BCAR1: variants seen among roughly 807,000 people sequenced by gnomAD.
BCAR1 encodes breast cancer anti-estrogen resistance protein 1.
In BCAR1, 30 loss-of-function variants were observed where a neutral mutation model predicts 67.6. That is an observed-to-expected ratio of 0.44 (90% CI 0.33 to 0.60). The LOEUF (loss-of-function observed/expected upper bound fraction) is 0.60, where lower values mean the gene tolerates loss of function less well. BCAR1 is among the 20% of genes least tolerant of loss of function. BCAR1 has a pLI of 0.02. For synonymous variants in BCAR1, 626 were observed against 556.7 expected (o/e 1.12, Z -1.75); for missense variants, 1,313 against 1,222.3 (o/e 1.07, Z -1.11).
chr16:75,229,259 A>G lies in BCAR1; in HGVS notation c.*252T>C. On this transcript the variant is annotated 3_prime_UTR_variant, in exon 7 of 7. Coordinates refer to ENST00000162330, the MANE Select transcript of BCAR1 (RefSeq NM_014567.5). ...CCTCACACTCCAGCCCCGTCTGGTG[A>G]CCCAACCCGGGCCCGTGGTGCATGC... 1 of 516,848 alleles carries G rather than the reference A, an allele frequency of 1.9e-6. No homozygotes were observed. The highest frequency in any genetic ancestry group is 3.3e-6 in the Non-Finnish European group (1 of 305,832). 32.0% of individuals were successfully genotyped at this position (516,848 alleles called of 1,614,324 possible). A position where few individuals can be genotyped will look rare whatever the true frequency, so the allele number is the denominator to read the frequency against.
chr16:75,235,500 G>A lies in BCAR1; in HGVS notation c.1399C>T (p.Gln467Ter). 1 of 1,598,828 alleles carries A rather than the reference G, an allele frequency of 6.3e-7. No homozygotes were observed. Among genetic ancestry groups the A allele is most frequent in the Non-Finnish European group, 8.5e-7 (1 of 1,173,830 alleles). The change falls in exon 5 of 7, where the codon CAG becomes TAG. Residue 467 changes from glutamine (Q) to a stop codon, truncating the protein, a stop_gained. Transcript: ENST00000162330. LOFTEE classifies it high-confidence loss of function. ...GCAACGGTGGCGCTCACACCCTGCT[G>A]CAGCCGTGCCAGGGCCTCCACAGCA... Reference protein sequence around the residue: ...EVAVEALARLQQGVSATVAHL... With the variant: ...EVAVEALARL
intron 1 of BCAR1, among the ~76,000 whole-genome samples, chr16:75,259,307 C>A (rs1324207480): frequency 1.3e-5 from 2 of 152,172 alleles, no homozygotes; most frequent in African/African-American, 4.8e-5. Flanking sequence ...GGTATTTTGC[C>A]AACAATAGTG....
intron 1 of BCAR1, among the ~76,000 whole-genome samples, chr16:75,256,632 C>G (rs2151471541): frequency 6.6e-6 from 1 of 152,280 alleles, no homozygotes; most frequent in East Asian, 1.9e-4. Context: ...CACAACTTTC[C>G]AAATTATCTG....
At chr16:75,250,884 G>A in intron 1 of BCAR1, 2 of 985,538 alleles carry the variant, frequency 2.0e-6, no homozygotes. Context: ...AAAGCCCGCG[G>A]CGCGCCCGCC....
intron 6 of BCAR1, among the ~76,000 whole-genome samples, chr16:75,232,741 T>C (rs2076944497): frequency 6.6e-6 from 1 of 152,150 alleles, no homozygotes; most frequent in South Asian, 2.1e-4. Flanking sequence ...CTCCTGAGTG[T>C]CTCCATGTGC....
chr16:75,256,080 C>G (rs1239219308), upstream of BCAR1: 5 of 152,394 alleles, frequency 3.3e-5, no homozygotes, highest in African/African-American at 1.2e-4. Context: ...AACGGACAGC[C>G]CACACCCCAA....
rs761629396 is a variant in BCAR1, at chr16:75,235,506, G to A, written c.1393C>T (p.Arg465Trp). The A allele has an allele frequency of 8.5e-5, 135 of 1,597,474 alleles. No individual in the cohort carries two copies. The highest frequency in any genetic ancestry group is 4.5e-4 in the South Asian group (40 of 89,276). Residue 465 changes from arginine to tryptophan, a missense_variant, in exon 5 of 7, where the codon CGG becomes TGG. Physicochemically the swap from Arg to Trp is moderately radical, Grantham distance 101 (BLOSUM62 -3). Transcript: ENST00000162330. ...GTGGCGCTCACACCCTGCTGCAGCC[G>A]TGCCAGGGCCTCCACAGCAACTTCC... ...ELEVAVEALA[R>W]LQQGVSATVA...
chr16:75,252,192 C>A (rs2077696516), upstream of BCAR1: 6 of 1,536,342 alleles, frequency 3.9e-6, no homozygotes, highest in Non-Finnish European at 5.2e-6. Flanking sequence ...AGCAGGGAGG[C>A]TGGCGAGCTC....
intron 4 of BCAR1, 103 bp downstream of exon 4, chr16:75,236,779 C>T: frequency 6.9e-7 from 1 of 1,454,330 alleles, no homozygotes; most frequent in Non-Finnish European, 9.1e-7. Flanking sequence ...CTCTTCCTGC[C>T]CGCCACCCCC....
At chr16:75,239,656 C>G (rs916760449) in intron 2 of BCAR1, among the ~76,000 whole-genome samples, 1 of 152,178 alleles carries the variant, frequency 6.6e-6, no homozygotes, top group African/African-American at 2.4e-5. Context: ...TCGTTTCCTC[C>G]TTGGGAAATG....
intron 4 of BCAR1, chr16:75,236,230 G>A: frequency 1.8e-6 from 1 of 561,592 alleles, no homozygotes. Flanking sequence ...ACAGCTCTGG[G>A]ACGAGCCGGC....
At chr16:75,264,050 G>A in intron 1 of BCAR1, 1 of 1,236,024 alleles carries the variant, frequency 8.1e-7, no homozygotes, top group Non-Finnish European at 1.0e-6. Context: ...GAGAGGGTAG[G>A]AGATGACTCA....
At position 75,237,258 on chromosome 16, in the gene BCAR1, C is replaced by T; in HGVS notation, c.720G>A (p.Leu240=). Residue 240 remains leucine (L), a synonymous_variant, in exon 3 of 7, where the codon CTG becomes CTA. Transcript: ENST00000162330. The part of the protein sequence containing the change: ...EQDEYDIPRH[L]LAPGPQDIYD... ...AGATGTCCTGTGGCCCCGGGGCCAGCAGGTGTCGCGGGATGTCGTACTCGT... is the reference window on the plus strand; with the variant it reads ...AGATGTCCTGTGGCCCCGGGGCCAGTAGGTGTCGCGGGATGTCGTACTCGT... 6.5e-7 allele frequency: 1 copy of T among 1,527,320 alleles called. No individual in the cohort carries two copies. The highest frequency in any genetic ancestry group is 2.3e-5 in the Admixed American group (1 of 43,306). 94.6% of individuals were successfully genotyped at this position (1,527,320 alleles called of 1,614,324 possible). A position where few individuals can be genotyped will look rare whatever the true frequency, so the allele number is the denominator to read the frequency against.
Position 75,234,153 on chromosome 16 carries a change from G to A in BCAR1, c.2011-218C>T, listed in dbSNP as rs1231828432. Among the ~76,000 whole-genome samples the A allele has an allele frequency of 4.1e-5, 3 of 72,898 alleles. No homozygotes were observed. The Admixed American group carries it at 5.2e-4, about 13-fold the overall frequency. 47.8% of individuals were successfully genotyped at this position (72,898 alleles called of 152,430 possible). ...CACACACAGACTGGCACGTGCAGGG[G>A]CAGGCAGACAGACACACACACACAC... On this transcript the variant is annotated intron_variant, in intron 5 of 6. Transcript: ENST00000162330.
At chr16:75,231,211 T>C (rs56902145) in intron 6 of BCAR1, among the ~76,000 whole-genome samples, 4,547 of 151,662 alleles carry the variant, frequency 0.03, 101 homozygotes, top group Middle Eastern at 0.11. Context: ...ATTCTCCTGC[T>C]TCAGCTGGGA....
chr16:75,233,002 C>G (rs570244018), intron 6 of BCAR1, among the ~76,000 whole-genome samples: 2 of 151,090 alleles, frequency 1.3e-5, no homozygotes, highest in Non-Finnish European at 2.9e-5. Flanking sequence ...TTACATACCT[C>G]TTTCCTACCC....
At chr16:75,230,901 G>T (rs1597152933) in intron 6 of BCAR1, among the ~76,000 whole-genome samples, 1 of 152,174 alleles carries the variant, frequency 6.6e-6, no homozygotes, top group African/African-American at 2.4e-5. Context: ...AAGCTCTGAT[G>T]AGGCAGGGTG....
In BCAR1 at chr16:75,235,722, G is replaced by A. The variant is rs140889740; in HGVS notation, c.1177C>T (p.Arg393Trp). ...PGTLYDVPRE[R>W]VLPPEVADGG... The stretch of plus-strand genomic sequence containing the variant: ...TCAGCCACCTCAGGAGGAAGCACCC[G>A]TTCACGGGGCACATCGTACAGGGTG... The change falls in exon 5 of 7, where the codon CGG becomes TGG. Residue 393 changes from arginine (R) to tryptophan (W), a missense_variant. Around this residue, in one of 2 missense-constraint regions of BCAR1, gnomAD observed 1,272 missense variants for 1,137.5 expected, o/e 1.12. Transcript: ENST00000162330. The A allele has an allele frequency of 1.4e-4, 233 of 1,607,438 alleles. No individual in the cohort carries two copies. Among genetic ancestry groups the A allele is most frequent in the Non-Finnish European group, 1.9e-4 (227 of 1,176,888 alleles).
At chr16:75,239,878 C>A (rs374935967) in intron 2 of BCAR1, among the ~76,000 whole-genome samples, 41 of 152,346 alleles carry the variant, frequency 2.7e-4, no homozygotes, top group African/African-American at 8.2e-4. Context: ...ACAGGCCCGA[C>A]AGGACCACGT....
Sources: gnomAD v4.1 joint callset for allele counts (sites outside exome capture counted in the v4.1 genomes callset) on GRCh38, gnomAD v4.1.1 for gene constraint, gnomAD v4.1.1 regional missense constraint, MANE v1.5 for transcripts, NCBI Gene and HGNC (gene_info 2026-07-23, HGNC 2026-07-21) for gene names.